MINDY1: variants seen among roughly 807,000 people sequenced by gnomAD.
The protein encoded by MINDY1 is MINDY lysine 48 deubiquitinase 1, also known as ubiquitin carboxyl-terminal hydrolase MINDY-1.
Under a neutral mutation model 53.6 loss-of-function variants are expected in MINDY1, and 50 were observed. That is an observed-to-expected ratio of 0.93 (90% CI 0.74 to 1.18). The LOEUF is 1.18. Among genes scored for constraint, MINDY1 ranks in the 50% most tolerant of loss-of-function variants. MINDY1 has a pLI of 0.00. For synonymous variants in MINDY1, 231 were observed against 234.7 expected (o/e 0.98, Z 0.14); for missense variants, 484 against 578.6 (o/e 0.84, Z 1.68).
rs587631784 is a variant in MINDY1 at position 150,999,385 on chromosome 1, G to C, written c.965C>G (p.Thr322Ser). 7.7e-5 allele frequency: 125 copies of C among 1,614,140 alleles called. 2 individuals carry two copies. In the South Asian group the frequency reaches 1.4e-3, roughly 17 times the overall value. The change falls in exon 7 of 10, where the codon ACC becomes AGC. Residue 322 changes from threonine (T) to serine (S), a missense_variant. Transcript: ENST00000683666. This position sits in a 1 kb window ranked among gnomAD's most constrained non-coding sequence, Gnocchi z 4.4. ...SVFFRNNHFS[T>S]MTKHKSHLYL... ...TCGCATTACCTTATGCTTAGTCATG[G>C]TGCTAAAGTGGTTGTTTCGGAAAAA...
In MINDY1 at chr1:150,999,961, G is replaced by C; in HGVS notation, c.739C>G (p.Pro247Ala). Residue 247 changes from proline (P) to alanine (A), a missense_variant, in exon 6 of 10, where the codon CCT becomes GCT. By Grantham distance (27) the Pro-to-Ala change is conservative (BLOSUM62 -1). Transcript: ENST00000683666. The surrounding 1 kb of genome is among the most constrained non-coding windows in gnomAD (Gnocchi z 4.4). ...YHGWLVDPQSPEAVRAVGKLS... is the reference protein window; with the variant it reads ...YHGWLVDPQSAEAVRAVGKLS... ...TTCCCAACTGCACGCACAGCCTCAG[G>C]ACTCTGCTTGGGTAGTGGGATGTGG... 5.6e-6 allele frequency: 9 copies of C among 1,613,466 alleles called. No individual in the cohort carries two copies. Among genetic ancestry groups the C allele is most frequent in the Non-Finnish European group, 6.8e-6 (8 of 1,179,654 alleles).
chr1:151,005,871 T>C (rs1186211389), intron 1 of MINDY1, among the ~76,000 whole-genome samples: 1 of 152,194 alleles, frequency 6.6e-6, no homozygotes, highest in Non-Finnish European at 1.5e-5. Flanking sequence ...GGAGTTAAAA[T>C]AATCCTGGCT....
intron 3 of MINDY1, 84 bp from the exon 4 acceptor site, chr1:151,001,398 T>C: frequency 1.4e-6 from 2 of 1,433,854 alleles, no homozygotes; most frequent in Non-Finnish European, 2.0e-6. Flanking sequence ...ATGCGGGTAA[T>C]GTCACAGAAC....
chr1:150,997,242 T>C lies in MINDY1; in HGVS notation c.*45A>G. ...GGCGGGGGAGCAAGCCAACTAGCCATAGCCTCTGGAAGAAGGGGCAGGCCA... is the reference window on the plus strand; with the variant it reads ...GGCGGGGGAGCAAGCCAACTAGCCACAGCCTCTGGAAGAAGGGGCAGGCCA... On this transcript the variant is annotated 3_prime_UTR_variant, in exon 10 of 10. Transcript: ENST00000683666. 6.4e-7 allele frequency: 1 copy of C among 1,551,746 alleles called. No homozygotes were observed. Among genetic ancestry groups the C allele is most frequent in the Non-Finnish European group, 8.7e-7 (1 of 1,143,882 alleles).
Position 150,999,420 on chromosome 1 carries a change from T to C in MINDY1, c.930A>G (p.Glu310=). ...CELTAAAKEG[E]LSVFFRNNHF... ...GGTTGTTTCGGAAAAAGACGCTAAG[T>C]TCACCCTCCTTAGCAGCTGCTGTCA... is the stretch of plus-strand genomic sequence containing the variant. The change falls in exon 7 of 10, where the codon GAA becomes GAG. Residue 310 remains glutamate (E), a synonymous_variant. Transcript: ENST00000683666. This position sits in a 1 kb window ranked among gnomAD's most constrained non-coding sequence, Gnocchi z 4.4. The C allele has an allele frequency of 5.6e-6, 9 of 1,614,148 alleles. No individual in the cohort carries two copies. Among genetic ancestry groups the C allele is most frequent in the Non-Finnish European group, 6.8e-6 (8 of 1,180,022 alleles).
rs1183553007 is a variant in MINDY1 at position 150,999,348 on chromosome 1, C to G, written c.981+21G>C. On this transcript the variant is annotated intron_variant, in intron 7 of 9. Coordinates refer to ENST00000683666, the MANE Select transcript of MINDY1 (RefSeq NM_001376665.1). This position sits in a 1 kb window ranked among gnomAD's most constrained non-coding sequence, Gnocchi z 4.4. ...CAGGAAATGACAGCACCGCAGCACG[C>G]CACCCCCAAACTCGCATTACCTTAT... The G allele has an allele frequency of 6.2e-7, 1 of 1,613,142 alleles. No homozygotes were observed. The highest frequency in any genetic ancestry group is 1.7e-5 in the Admixed American group (1 of 59,962).
Position 151,000,544 on chromosome 1 carries a change from G to T in MINDY1, c.648C>A (p.Gly216=). The T allele has an allele frequency of 6.2e-7, 1 of 1,614,086 alleles. No homozygotes were observed. The highest frequency in any genetic ancestry group is 1.1e-5 in the South Asian group (1 of 91,070). ...TGLDVNVRFT[G]VSDFEYTPEC... ...CGGGTGTATACTCAAAATCAGAGAC[G>T]CCTGTGAATCGCACATTGACATCCA... Residue 216 remains glycine (G), a synonymous_variant, in exon 5 of 10, where the codon GGC becomes GGA. Transcript: ENST00000683666.
chr1:151,000,753 C>CAA, intron 4 of MINDY1, 138 bp from the exon 5 acceptor site: 1 of 878,324 alleles, frequency 1.1e-6, no homozygotes, highest in South Asian at 1.7e-5. Flanking sequence ...TCCCTTGCCT[C>CAA]AACCCTTCTC....
intron 2 of MINDY1, 111 bp from the exon 3 acceptor site, chr1:151,001,893 G>A: frequency 8.4e-7 from 1 of 1,192,498 alleles, no homozygotes; most frequent in South Asian, 1.6e-5. Context: ...TAGGAAAAAA[G>A]GCTTGCAACT....
upstream of MINDY1, chr1:151,007,031 A>G: frequency 3.6e-6 from 1 of 276,842 alleles, no homozygotes; most frequent in Non-Finnish European, 5.5e-6. Context: ...CAGAAGCAGG[A>G]GCAAAGAGCA....
intron 1 of MINDY1, among the ~76,000 whole-genome samples, chr1:151,003,809 CCTG>C (rs1163866132): frequency 2.0e-5 from 3 of 152,168 alleles, no homozygotes; most frequent in Non-Finnish European, 2.9e-5. Flanking sequence ...TACTCTCTTG[CCTG>C]CTATTTCTAT....
In MINDY1 at chr1:151,002,697, A is replaced by T. The variant is rs771962420; in HGVS notation, c.-80T>A. On this transcript the variant is annotated 5_prime_UTR_variant, in exon 2 of 10. The change creates a new upstream start codon in the 5' untranslated region. Coordinates refer to ENST00000683666, the MANE Select transcript of MINDY1 (RefSeq NM_001376665.1). The surrounding 1 kb of genome is among the most constrained non-coding windows in gnomAD (Gnocchi z 4.1). ...TTGCCTAAGCCAGGCTTGGGATGCA[A>T]AAGAGTGACCTGTCCAATAAGAAGG... 3.7e-6 allele frequency: 6 copies of T among 1,604,994 alleles called. No homozygotes were observed. Among genetic ancestry groups the T allele is most frequent in the Non-Finnish European group, 5.1e-6 (6 of 1,175,244 alleles).
intron 7 of MINDY1, among the ~76,000 whole-genome samples, chr1:150,998,760 A>G (rs993328123): frequency 2.0e-5 from 3 of 151,478 alleles, no homozygotes; most frequent in Admixed American, 2.0e-4. Context: ...ATTCTGGCTA[A>G]GCGTGGCATG....
At chr1:150,998,008 A>G (rs587605810) in intron 8 of MINDY1, 74 bp downstream of exon 8, 1 of 1,460,676 alleles carries the variant, frequency 6.8e-7, no homozygotes, top group Admixed American at 2.0e-5. Context: ...GGCCTCTAGC[A>G]GTTAAAATGT....
intron 1 of MINDY1, among the ~76,000 whole-genome samples, chr1:151,004,906 G>C (rs940830063): frequency 6.6e-6 from 1 of 152,106 alleles, no homozygotes; most frequent in African/African-American, 2.4e-5. Context: ...TGAGGTTGAG[G>C]AACATTAAAG....
chr1:151,001,857 G>A, intron 2 of MINDY1, 75 bp from the exon 3 acceptor site: 1 of 1,506,366 alleles, frequency 6.6e-7, no homozygotes, highest in East Asian at 2.4e-5. Flanking sequence ...GGAAAGGCAA[G>A]GGGGAGCTCC....
rs1270202401 is a variant in MINDY1 at position 151,001,285 on chromosome 1, C to T, written c.541G>A (p.Glu181Lys). 2 of 1,614,170 alleles carry T rather than the reference C, an allele frequency of 1.2e-6. No homozygotes were observed. Among genetic ancestry groups the T allele is most frequent in the South Asian group, 1.1e-5 (1 of 91,080 alleles). The change falls in exon 4 of 10, where the codon GAG becomes AAG. Residue 181 changes from glutamate (E) to lysine (K), a missense_variant. Glu to Lys is a moderately conservative substitution (Grantham distance 56). Coordinates refer to ENST00000683666, the MANE Select transcript of MINDY1 (RefSeq NM_001376665.1). ...GNCLLSIKPQEKSEGLQLNFQ... is the reference protein window; with the variant it reads ...GNCLLSIKPQKKSEGLQLNFQ... Reference sequence around the variant, plus strand: ...TTAAGCTGAAGTCCCTCTGACTTCTCCTGGGGCTTGATGGACAGGAGGCAG... The same window carrying T: ...TTAAGCTGAAGTCCCTCTGACTTCTTCTGGGGCTTGATGGACAGGAGGCAG...
rs1480920793 is a variant in MINDY1 at position 151,006,577 on chromosome 1, G to A, written c.-355C>T. On this transcript the variant is annotated 5_prime_UTR_variant, in exon 1 of 10. Transcript: ENST00000683666. ...GCCAAGGTGCTCCAGGTCGCTCAGAGAGTCTTCAGGATTCCTGAGTCGCCG... is the reference window on the plus strand; with the variant it reads ...GCCAAGGTGCTCCAGGTCGCTCAGAAAGTCTTCAGGATTCCTGAGTCGCCG... 8 of 993,640 alleles carry A rather than the reference G, an allele frequency of 8.1e-6. No individual in the cohort carries two copies. Among genetic ancestry groups the A allele is most frequent in the East Asian group, 1.1e-4 (1 of 9,176 alleles). The allele number at this position is 993,640 out of a possible 1,614,324, so 61.6% of individuals were successfully genotyped here. A position where few individuals can be genotyped will look rare whatever the true frequency, so the allele number is the denominator to read the frequency against.
Position 150,999,607 on chromosome 1 carries a change from G to C in MINDY1, c.839-96C>G. The C allele has an allele frequency of 6.6e-7, 1 of 1,508,644 alleles. No homozygotes were observed. The highest frequency in any genetic ancestry group is 1.2e-5 in the South Asian group (1 of 83,626). The allele number at this position is 1,508,644 out of a possible 1,614,324, so 93.5% of individuals were successfully genotyped here. On this transcript the variant is annotated intron_variant, in intron 6 of 9. Transcript: ENST00000683666. This position sits in a 1 kb window ranked among gnomAD's most constrained non-coding sequence, Gnocchi z 4.4. ...AGAGCCCCTGTCAAAAGCCCCGGGG[G>C]GTCAGTCCCACCTTCTGACGTCCCT...
Sources: allele counts gnomAD v4.1 joint callset (sites outside exome capture counted in the v4.1 genomes callset), GRCh38; gene constraint gnomAD v4.1.1; non-coding constraint Gnocchi (gnomAD v3.1); transcripts MANE v1.5; gene names NCBI Gene and HGNC (gene_info 2026-07-23, HGNC 2026-07-21).